The following DAAM1 variants were observed in gnomAD, a reference collection of about 807,000 sequenced individuals.
DAAM1 encodes disheveled-associated activator of morphogenesis 1.
DAAM1 carries 52 observed loss-of-function variants against 130.0 expected under a neutral mutation model. The ratio of observed to expected loss-of-function variants is 0.40; its 90% CI spans 0.32 to 0.50. DAAM1 has a LOEUF of 0.50. Ranked by LOEUF, DAAM1 falls within the 20% of genes least tolerant of loss-of-function variation. The pLI is 0.61. For missense variants in DAAM1, 1,134 were observed against 1,303.8 expected (o/e 0.87, Z 2.01); for synonymous variants, 452 against 444.5 (o/e 1.02, Z -0.21).
At chr14:59,279,148 A>G (rs932553797) in intron 2 of DAAM1, among the ~76,000 whole-genome samples, 18 of 152,112 alleles carry the variant, frequency 1.2e-4, no homozygotes, top group African/African-American at 3.9e-4. Flanking sequence ...GTTGTTAACC[A>G]TCACCGCCAT....
At chr14:59,286,224 C>T (rs1246158664) in intron 2 of DAAM1, among the ~76,000 whole-genome samples, 1 of 151,794 alleles carries the variant, frequency 6.6e-6, no homozygotes, top group African/African-American at 2.4e-5. Flanking sequence ...TTTTTTAAAT[C>T]CTTGAAATTA....
intron 2 of DAAM1, among the ~76,000 whole-genome samples, chr14:59,288,858 A>AGAGAGAGAGAGAGAGC (rs1404908351): frequency 7.1e-6 from 1 of 141,684 alleles, no homozygotes; most frequent in Non-Finnish European, 1.6e-5. Flanking sequence ...AGAGAGAGAG[A>AGAGAGAGAGAGAGAGC]GAGCGCGCGA....
At chr14:59,194,208 T>G (rs747472347) in intron 1 of DAAM1, among the ~76,000 whole-genome samples, 9 of 152,190 alleles carry the variant, frequency 5.9e-5, no homozygotes, top group Admixed American at 2.6e-4. Context: ...CACAGCTTCC[T>G]TTGAGTCTCT....
At chr14:59,329,565 C>T (rs1885340177) in intron 12 of DAAM1, among the ~76,000 whole-genome samples, 1 of 152,116 alleles carries the variant, frequency 6.6e-6, no homozygotes, top group Non-Finnish European at 1.5e-5. Context: ...TATAGCTCGG[C>T]CCCAGTGGGT....
chr14:59,327,100 C>A, intron 12 of DAAM1, 109 bp downstream of exon 12: 2 of 1,249,070 alleles, frequency 1.6e-6, no homozygotes, highest in Non-Finnish European at 1.1e-6. Context: ...TTGGTGCAGG[C>A]AGCCTTTCTT....
At chr14:59,251,331 T>C (rs1332783167) in intron 1 of DAAM1, among the ~76,000 whole-genome samples, 1 of 152,094 alleles carries the variant, frequency 6.6e-6, no homozygotes, top group Non-Finnish European at 1.5e-5. Flanking sequence ...CACTGTCAGA[T>C]TGCCTTCCAC....
At chr14:59,224,892 C>T (rs1026439925) in intron 1 of DAAM1, among the ~76,000 whole-genome samples, 5 of 152,094 alleles carry the variant, frequency 3.3e-5, no homozygotes, top group African/African-American at 9.7e-5. Context: ...TGTGAGGGAA[C>T]GGTGCGAAGG....
intron 5 of DAAM1, 76 bp from the exon 6 acceptor site, chr14:59,322,816 C>A: frequency 1.7e-6 from 2 of 1,189,394 alleles, no homozygotes; most frequent in Non-Finnish European, 1.2e-6. Flanking sequence ...CTTTCCCCTG[C>A]CCTCTAGACT....
chr14:59,255,110 C>T (rs1881819055), intron 1 of DAAM1, among the ~76,000 whole-genome samples: 1 of 152,164 alleles, frequency 6.6e-6, no homozygotes, highest in Non-Finnish European at 1.5e-5. Flanking sequence ...ATATTGGTTT[C>T]CCTGTGCATA....
At chr14:59,327,021 TGTTATTG>T (rs767865025) in intron 12 of DAAM1, 30 bp downstream of exon 12, 2 of 1,612,450 alleles carry the variant, frequency 1.2e-6, no homozygotes, top group Non-Finnish European at 1.7e-6. Flanking sequence ...TAAGAGGCTG[TGTTATTG>T]GTTATTGGGT....
In DAAM1 at chr14:59,368,281, T is replaced by C. The variant is rs74708675; in HGVS notation, c.2998-369T>C. ...AGCTAAGCCTTTGATATAAGGAAAA[T>C]GGCCTGATGACCATTTGCTTTAGTT... On this transcript the variant is annotated intron_variant, in intron 24 of 24. Coordinates refer to ENST00000360909, the MANE Select transcript of DAAM1 (RefSeq NM_001270520.2). 3.2e-3 allele frequency among the ~76,000 whole-genome samples: 490 copies of C among 152,286 alleles called. 1 individual carries two copies. Among genetic ancestry groups the C allele is most frequent in the African/African-American group, 0.011 (456 of 41,550 alleles).
chr14:59,292,520 A>T (rs1001707491), intron 3 of DAAM1, among the ~76,000 whole-genome samples: 1 of 152,194 alleles, frequency 6.6e-6, no homozygotes, highest in African/African-American at 2.4e-5. Context: ...TATGCCTCTG[A>T]TGAAGAGGCA....
rs991607742 is a variant in DAAM1 at position 59,267,901 on chromosome 14, C to G, written c.183+4241C>G. Among the ~76,000 whole-genome samples, 17 of 88,848 alleles carry G rather than the reference C, an allele frequency of 1.9e-4. No individual in the cohort carries two copies. The South Asian group carries it at 2.3e-3, about 12-fold the overall frequency. The allele number at this position is 88,848 out of a possible 152,430, so 58.3% of individuals were successfully genotyped here. ...TCCATTATGTGGATATACGCCCCCC[C>G]CTTTTTTTTTTTTTTTTTTGAGACA... On this transcript the variant is annotated intron_variant, in intron 2 of 24. Transcript: ENST00000360909.
intron 12 of DAAM1, among the ~76,000 whole-genome samples, chr14:59,329,240 C>A (rs1885328713): frequency 1.3e-5 from 2 of 152,102 alleles, no homozygotes; most frequent in South Asian, 4.1e-4. Context: ...ACACAGCCAG[C>A]TTCATCAAAA....
intron 5 of DAAM1, 44 bp downstream of exon 5, chr14:59,320,628 C>A: frequency 7.0e-7 from 1 of 1,433,858 alleles, no homozygotes; most frequent in East Asian, 2.4e-5. Context: ...TTCTCTCCTT[C>A]CTTCCTTTTT....
chr14:59,325,590 T>C, intron 8 of DAAM1, 74 bp from the exon 9 acceptor site: 2 of 1,286,360 alleles, frequency 1.6e-6, no homozygotes, highest in South Asian at 1.3e-5. Context: ...AACCATGATA[T>C]TAATGTCCTC....
intron 1 of DAAM1, among the ~76,000 whole-genome samples, chr14:59,211,760 CTA>C (rs1305138172): frequency 6.6e-6 from 1 of 152,052 alleles, no homozygotes; most frequent in Non-Finnish European, 1.5e-5. Context: ...TCTTAATTTT[CTA>C]TATTTCTTGA....
intron 1 of DAAM1, among the ~76,000 whole-genome samples, chr14:59,232,320 A>C (rs1441975453): frequency 1.3e-5 from 2 of 152,184 alleles, no homozygotes; most frequent in Non-Finnish European, 2.9e-5. Flanking sequence ...CTGGTCACTG[A>C]GAGTCATAGT....
chr14:59,189,590 G>A (rs1887664739), intron 1 of DAAM1, among the ~76,000 whole-genome samples: 1 of 152,174 alleles, frequency 6.6e-6, no homozygotes, highest in African/African-American at 2.4e-5. Flanking sequence ...CCAGGAGGTG[G>A]TAGCGCGGGG....
Sources: allele counts gnomAD v4.1 joint callset (sites outside exome capture counted in the v4.1 genomes callset), GRCh38; gene constraint gnomAD v4.1.1; transcripts MANE v1.5; gene names NCBI Gene and HGNC (gene_info 2026-07-23, HGNC 2026-07-21).